EEA1: variants seen among roughly 807,000 people sequenced by gnomAD.
The protein encoded by EEA1 is early endosome antigen 1, also known as early endosome antigen 1, 162kD.
EEA1 carries 111 observed loss-of-function variants against 209.2 expected under a neutral mutation model. That is an observed-to-expected ratio of 0.53 (90% CI 0.45 to 0.62). The LOEUF (loss-of-function observed/expected upper bound fraction) is 0.62, where lower values mean the gene tolerates loss of function less well. Ranked by LOEUF, EEA1 falls within the 20% of genes least tolerant of loss-of-function variation. EEA1 has a pLI of 0.00. For synonymous variants in EEA1, 536 were observed against 540.6 expected, an observed-to-expected ratio of 0.99 and a Z score of 0.12; for missense variants, 1,343 against 1,530.8, an observed-to-expected ratio of 0.88 and a Z score of 2.05.
intron 9 of EEA1, among the ~76,000 whole-genome samples, chr12:92,850,255 T>C (rs1435305095): frequency 1.3e-5 from 2 of 152,110 alleles, no homozygotes; most frequent in Admixed American, 1.3e-4. Context: ...AAAATAGACT[T>C]AGGAAGAAAT....
At chr12:92,853,776 G>T in intron 6 of EEA1, 139 bp downstream of exon 6, 1 of 576,486 alleles carries the variant, frequency 1.7e-6, no homozygotes, top group Non-Finnish European at 2.8e-6. Context: ...CCTAGAATAT[G>T]ACCATTATCT....
intron 1 of EEA1, among the ~76,000 whole-genome samples, chr12:92,914,108 C>T (rs1880678062): frequency 6.6e-6 from 1 of 151,826 alleles, no homozygotes; most frequent in African/African-American, 2.4e-5. Flanking sequence ...ATAAAGTATC[C>T]TTTCCCCGCT....
intron 9 of EEA1, among the ~76,000 whole-genome samples, chr12:92,843,607 A>G (rs1877265675): frequency 6.6e-6 from 1 of 152,204 alleles, no homozygotes; most frequent in South Asian, 2.1e-4. Context: ...AGAAAGACGA[A>G]GTATTTTTTT....
chr12:92,857,554 C>A, intron 3 of EEA1, 69 bp from the exon 4 acceptor site: 2 of 976,254 alleles, frequency 2.0e-6, no homozygotes, highest in South Asian at 1.9e-5. Context: ...CTTAAGAAAT[C>A]ATGGCTAGTA....
chr12:92,811,315 T>C lies in EEA1; in HGVS notation c.2163A>G (p.Leu721=). ...LKEYKEKYLS[L]EQKTEELEGQ... ...CTTCTAGCTCTTCGGTTTTCTGTTC[T>C]AAAGAGAGGTATTTCTCTTTATATT... The change falls in exon 17 of 29, where the codon TTA becomes TTG. Residue 721 remains leucine (L), a synonymous_variant. Coordinates refer to ENST00000322349, the MANE Select transcript of EEA1 (RefSeq NM_003566.4). 1 of 1,590,724 alleles carries C rather than the reference T, an allele frequency of 6.3e-7. No homozygotes were observed. Among genetic ancestry groups the C allele is most frequent in the Non-Finnish European group, 8.5e-7 (1 of 1,170,476 alleles).
chr12:92,854,732 T>C (rs1056226453), intron 5 of EEA1, among the ~76,000 whole-genome samples: 7 of 152,028 alleles, frequency 4.6e-5, no homozygotes, highest in Non-Finnish European at 8.8e-5. Context: ...CAGCAGGAGA[T>C]CCCCATTGTC....
At position 92,890,115 on chromosome 12, in the gene EEA1, A is replaced by C. The variant is rs567996520; in HGVS notation, c.117+1514T>G. Reference sequence around the variant, plus strand: ...ATAACACATGGTACCTGAAGACGGGATTTCAAGTCAAAGAAAGAGTTTTTG... The same window carrying C: ...ATAACACATGGTACCTGAAGACGGGCTTTCAAGTCAAAGAAAGAGTTTTTG... On this transcript the variant is annotated intron_variant, in intron 2 of 28. Transcript: ENST00000322349. 4.0e-3 allele frequency among the ~76,000 whole-genome samples: 612 copies of C among 152,322 alleles called. 3 individuals carry two copies. The highest frequency in any genetic ancestry group is 6.4e-3 in the Non-Finnish European group (437 of 68,024).
chr12:92,869,752 C>CAAAAAAAAAAAAAAAAAAAAAAAAA (rs71069185), intron 2 of EEA1, among the ~76,000 whole-genome samples: 1 of 26,792 alleles, frequency 3.7e-5, no homozygotes, highest in Non-Finnish European at 7.0e-5. Context: ...GATTCTGCCT[C>CAAAAAAAAAAAAAAAAAAAAAAAAA]AAAAAAAAAA....
rs1875596882 is a variant in EEA1, at chr12:92,813,067, T to G, written c.1956A>C (p.Leu652=). 1 of 1,592,508 alleles carries G rather than the reference T, an allele frequency of 6.3e-7. No homozygotes were observed. Among genetic ancestry groups the G allele is most frequent in the Non-Finnish European group, 8.6e-7 (1 of 1,165,160 alleles). ...IQIKAKTELL[L]SAEAAKTAQR... Reference sequence around the variant, plus strand: ...GAGCAGTTTTTGCTGCTTCTGCTGATAGTAATAGTTCGGTTTTGGCTTTAA... The same window carrying G: ...GAGCAGTTTTTGCTGCTTCTGCTGAGAGTAATAGTTCGGTTTTGGCTTTAA... The change falls in exon 16 of 29, where the codon CTA becomes CTC. Residue 652 remains leucine (L), a synonymous_variant. Coordinates refer to ENST00000322349, the MANE Select transcript of EEA1 (RefSeq NM_003566.4).
intron 21 of EEA1, among the ~76,000 whole-genome samples, chr12:92,796,013 A>C (rs1874639518): frequency 6.6e-6 from 1 of 152,116 alleles, no homozygotes; most frequent in African/African-American, 2.4e-5. Flanking sequence ...AAAATGATTA[A>C]GAGCTTATTT....
At chr12:92,835,176 T>C (rs1876861388) in intron 10 of EEA1, among the ~76,000 whole-genome samples, 1 of 151,454 alleles carries the variant, frequency 6.6e-6, no homozygotes, top group South Asian at 2.1e-4. Context: ...CCACCGCGCC[T>C]GGCCAGCTAT....
chr12:92,863,958 CAT>C (rs1303109204), intron 3 of EEA1, among the ~76,000 whole-genome samples: 1 of 152,100 alleles, frequency 6.6e-6, no homozygotes, highest in Non-Finnish European at 1.5e-5. Context: ...AATTTAACTA[CAT>C]GTTTTTAATG....
At chr12:92,816,466 T>C in intron 14 of EEA1, 66 bp from the exon 15 acceptor site, 17 of 1,452,380 alleles carry the variant, frequency 1.2e-5, no homozygotes, top group Non-Finnish European at 1.6e-5. Flanking sequence ...GAAACCTAAA[T>C]TTAAGAACCA....
intron 11 of EEA1, among the ~76,000 whole-genome samples, chr12:92,830,967 AAGG>A (rs2136691528): frequency 6.6e-6 from 1 of 152,314 alleles, no homozygotes; most frequent in African/African-American, 2.4e-5. Context: ...AGAAGCAGGG[AAGG>A]AGAAGACATG....
chr12:92,832,934 G>A (rs1876729009), intron 10 of EEA1, 84 bp from the exon 11 acceptor site: 1 of 962,102 alleles, frequency 1.0e-6, no homozygotes, highest in Non-Finnish European at 1.5e-6. Context: ...GAGCAGTACT[G>A]TCTCCTATTA....
intron 1 of EEA1, among the ~76,000 whole-genome samples, chr12:92,928,257 T>TA (rs1881285154): frequency 6.6e-6 from 1 of 152,158 alleles, no homozygotes; most frequent in Non-Finnish European, 1.5e-5. Flanking sequence ...TCTTAAATGA[T>TA]ACACCTACAG....
At chr12:92,812,451 A>G (rs1266368138) in intron 16 of EEA1, among the ~76,000 whole-genome samples, 1 of 152,184 alleles carries the variant, frequency 6.6e-6, no homozygotes, top group African/African-American at 2.4e-5. Flanking sequence ...CTAAAGTAGG[A>G]TGCTTCTATT....
rs201202174 is a variant in EEA1, at chr12:92,925,995, ATTT to A, written c.24+3045_24+3047del. ...CAAAATGCTAAAGGAATGCCACATA[ATTT>A]TTTTTTTTTTTTTAGACGGAGTTCC... On this transcript the variant is annotated intron_variant, in intron 1 of 28. Coordinates refer to ENST00000322349, the MANE Select transcript of EEA1 (RefSeq NM_003566.4). 3.5e-5 allele frequency among the ~76,000 whole-genome samples: 5 copies of A among 144,746 alleles called. No individual in the cohort carries two copies. The East Asian group carries it at 6.0e-4, about 17-fold the overall frequency. 95.0% of individuals were successfully genotyped at this position (144,746 alleles called of 152,430 possible). A position where few individuals can be genotyped will look rare whatever the true frequency, so the allele number is the denominator to read the frequency against.
intron 2 of EEA1, among the ~76,000 whole-genome samples, chr12:92,867,488 T>A (rs1331934781): frequency 6.6e-6 from 1 of 152,126 alleles, no homozygotes; most frequent in Admixed American, 6.5e-5. Context: ...TTTAATAGCT[T>A]ACAGATTATA....
Sources: gnomAD v4.1 joint callset for allele counts (sites outside exome capture counted in the v4.1 genomes callset) on GRCh38, gnomAD v4.1.1 for gene constraint, MANE v1.5 for transcripts, NCBI Gene and HGNC (gene_info 2026-07-23, HGNC 2026-07-21) for gene names.